The following TMEM88 variants were observed in gnomAD, a reference collection of about 807,000 sequenced individuals.
The protein encoded by TMEM88 is transmembrane protein 88.
Under a neutral mutation model 10.0 loss-of-function variants are expected in TMEM88, and 8 were observed. The observed-to-expected ratio is 0.80, with a 90% CI of 0.47 to 1.44. The LOEUF is 1.44. TMEM88 is among the 40% of genes most tolerant of loss of function. The pLI is 0.00. For synonymous variants in TMEM88, 139 were observed against 104.9 expected, an observed-to-expected ratio of 1.33 and a Z score of -1.99; for missense variants, 255 against 217.8, an observed-to-expected ratio of 1.17 and a Z score of -1.07.
chr17:7,856,004 G>T lies in TMEM88; in HGVS notation c.*290G>T. ...AATGGGACAACAATCTCGTGCCCTCGTTTTATGGTGCAGCTTCTCTAGTAT... is the reference window on the plus strand; with the variant it reads ...AATGGGACAACAATCTCGTGCCCTCTTTTTATGGTGCAGCTTCTCTAGTAT... On this transcript the variant is annotated 3_prime_UTR_variant, in exon 2 of 2. Transcript: ENST00000301599. 9 of 1,231,342 alleles carry T rather than the reference G, an allele frequency of 7.3e-6. No individual in the cohort carries two copies. Among genetic ancestry groups the T allele is most frequent in the Non-Finnish European group, 9.3e-6 (9 of 969,384 alleles). 76.3% of individuals were successfully genotyped at this position (1,231,342 alleles called of 1,614,324 possible). A position where few individuals can be genotyped will look rare whatever the true frequency, so the allele number is the denominator to read the frequency against.
At position 7,855,755 on chromosome 17, in the gene TMEM88, T is replaced by G; in HGVS notation, c.*41T>G. Reference sequence around the variant, plus strand: ...GAACAACCCTGACGGCTGCCCTCCCTCTTATTCGGCCCAAGGACTTGAAGC... The same window carrying G: ...GAACAACCCTGACGGCTGCCCTCCCGCTTATTCGGCCCAAGGACTTGAAGC... On this transcript the variant is annotated 3_prime_UTR_variant, in exon 2 of 2. Coordinates refer to ENST00000301599, the MANE Select transcript of TMEM88 (RefSeq NM_203411.2). 1 of 1,471,122 alleles carries G rather than the reference T, an allele frequency of 6.8e-7. No individual in the cohort carries two copies. Among genetic ancestry groups the G allele is most frequent in the Middle Eastern group, 1.8e-4 (1 of 5,588 alleles). 91.1% of individuals were successfully genotyped at this position (1,471,122 alleles called of 1,614,324 possible).
In TMEM88 at chr17:7,855,464, C is replaced by T. The variant is rs2078795428; in HGVS notation, c.230C>T (p.Pro77Leu). The change falls in exon 2 of 2, where the codon CCC becomes CTC. Residue 77 changes from proline to leucine, a missense_variant. By Grantham distance (98) the Pro-to-Leu change is moderately conservative. Transcript: ENST00000301599. ...CHSQFLRSQAPPCTAHLRDPG... is the reference protein window; with the variant it reads ...CHSQFLRSQALPCTAHLRDPG... ...CCACAGTTCCTGCGCTCCCAGGCAC[C>T]CCCTTGCACCGCGCACCTGCGGGAC... 1.2e-6 allele frequency: 2 copies of T among 1,605,496 alleles called. No individual in the cohort carries two copies. Among genetic ancestry groups the T allele is most frequent in the African/African-American group, 1.3e-5 (1 of 74,912 alleles).
At position 7,855,544 on chromosome 17, in the gene TMEM88, G is replaced by A. The variant is rs1360509684; in HGVS notation, c.310G>A (p.Val104Met). Residue 104 changes from valine to methionine, a missense_variant, in exon 2 of 2, where the codon GTG (valine) becomes ATG (methionine). Val to Met is a conservative substitution (Grantham distance 21). Coordinates refer to ENST00000301599, the MANE Select transcript of TMEM88 (RefSeq NM_203411.2). ...TGFLLLVPLL[V>M]LALASYRRLC... is the part of the protein sequence containing the mutation. The stretch of plus-strand genomic sequence containing the variant: ...ATTCCTGCTCCTCGTGCCGCTGCTC[G>A]TGCTTGCTCTGGCCAGCTACCGCCG... 5.6e-6 allele frequency: 9 copies of A among 1,608,570 alleles called. No individual in the cohort carries two copies. Among genetic ancestry groups the A allele is most frequent in the Non-Finnish European group, 6.8e-6 (8 of 1,179,894 alleles).
rs947707303 is a variant in TMEM88, at chr17:7,855,197, C to T, written c.123C>T (p.Phe41=). The change falls in exon 1 of 2, where the codon TTC becomes TTT. Residue 41 remains phenylalanine, a synonymous_variant. Coordinates refer to ENST00000301599, the MANE Select transcript of TMEM88 (RefSeq NM_203411.2). ...VTAQNLLVAA[F]NLLLLVLVLG... Reference sequence around the variant, plus strand: ...CCCAGAATCTGCTGGTGGCTGCCTTCAATCTTCTCCTGCTGGTGCTGGTGC... The same window carrying T: ...CCCAGAATCTGCTGGTGGCTGCCTTTAATCTTCTCCTGCTGGTGCTGGTGC... The T allele has an allele frequency of 6.2e-7, 1 of 1,610,086 alleles. No homozygotes were observed. The highest frequency in any genetic ancestry group is 1.7e-4 in the Middle Eastern group (1 of 6,050).
rs993351988 is a variant in TMEM88, at chr17:7,855,826, G to C, written c.*112G>C. The C allele has an allele frequency of 9.1e-6, 13 of 1,428,816 alleles. No homozygotes were observed. The African/African-American group carries it at 1.2e-4, about 13-fold the overall frequency. 88.5% of individuals were successfully genotyped at this position (1,428,816 alleles called of 1,614,324 possible). On this transcript the variant is annotated 3_prime_UTR_variant, in exon 2 of 2. Transcript: ENST00000301599. Reference sequence around the variant, plus strand: ...CTGCCCCCACCCCTGCCTGAGCGGAGTCCTAGCATCCCCTTGGGAGCAGCA... The same window carrying C: ...CTGCCCCCACCCCTGCCTGAGCGGACTCCTAGCATCCCCTTGGGAGCAGCA...
In TMEM88 at chr17:7,855,092, G is replaced by A. The variant is rs757251579; in HGVS notation, c.18G>A (p.Gly6=). Residue 6 remains glycine (G), a synonymous_variant, in exon 1 of 2, where the codon GGG becomes GGA. Coordinates refer to ENST00000301599, the MANE Select transcript of TMEM88 (RefSeq NM_203411.2). ...GGCGGGCCATGGCGGATGTCCCCGG[G>A]GCACAGCGAGCGGTTCCTGGTGACG... The part of the protein sequence containing the change: MADVP[G]AQRAVPGDGP... 1.2e-6 allele frequency: 2 copies of A among 1,603,620 alleles called. No homozygotes were observed. Among genetic ancestry groups the A allele is most frequent in the South Asian group, 1.1e-5 (1 of 90,806 alleles).
chr17:7,855,067 G>T lies in TMEM88; in HGVS notation c.-8G>T. On this transcript the variant is annotated 5_prime_UTR_variant, in exon 1 of 2. It adds an upstream start codon to the 5' untranslated region. Coordinates refer to ENST00000301599, the MANE Select transcript of TMEM88 (RefSeq NM_203411.2). ...CAGCGGCCCAGGCGGGCGGGATCCAGGCGGGCCATGGCGGATGTCCCCGGG... is the reference window on the plus strand; with the variant it reads ...CAGCGGCCCAGGCGGGCGGGATCCATGCGGGCCATGGCGGATGTCCCCGGG... 1.3e-6 allele frequency: 2 copies of T among 1,597,224 alleles called. No homozygotes were observed. The highest frequency in any genetic ancestry group is 2.7e-5 in the African/African-American group (2 of 74,916).
At position 7,855,969 on chromosome 17, in the gene TMEM88, C is replaced by G. The variant is rs1402471257; in HGVS notation, c.*255C>G. Reference sequence around the variant, plus strand: ...TGGAACCTGCACACCTCCCCCTCAGCTCCGTCGTGAATGGGACAACAATCT... The same window carrying G: ...TGGAACCTGCACACCTCCCCCTCAGGTCCGTCGTGAATGGGACAACAATCT... On this transcript the variant is annotated 3_prime_UTR_variant, in exon 2 of 2. Transcript: ENST00000301599. The G allele has an allele frequency of 1.5e-6, 2 of 1,298,096 alleles. No homozygotes were observed. Among genetic ancestry groups the G allele is most frequent in the South Asian group, 5.0e-5 (2 of 40,142 alleles). The allele number at this position is 1,298,096 out of a possible 1,614,324, so 80.4% of individuals were successfully genotyped here. A position where few individuals can be genotyped will look rare whatever the true frequency, so the allele number is the denominator to read the frequency against.
chr17:7,855,759 A>C lies in TMEM88; in HGVS notation c.*45A>C. On this transcript the variant is annotated 3_prime_UTR_variant, in exon 2 of 2. Transcript: ENST00000301599. ...AACCCTGACGGCTGCCCTCCCTCTT[A>C]TTCGGCCCAAGGACTTGAAGCCCGG... 6.8e-7 allele frequency: 1 copy of C among 1,466,940 alleles called. No individual in the cohort carries two copies. Among genetic ancestry groups the C allele is most frequent in the Non-Finnish European group, 9.0e-7 (1 of 1,107,902 alleles). 90.9% of individuals were successfully genotyped at this position (1,466,940 alleles called of 1,614,324 possible).
At position 7,855,830 on chromosome 17, in the gene TMEM88, T is replaced by TA; in HGVS notation, c.*117dup. The TA allele has an allele frequency of 7.0e-7, 1 of 1,427,876 alleles. No individual in the cohort carries two copies. Among genetic ancestry groups the TA allele is most frequent in the African/African-American group, 1.4e-5 (1 of 69,556 alleles). The allele number at this position is 1,427,876 out of a possible 1,614,324, so 88.5% of individuals were successfully genotyped here. ...CCCCACCCCTGCCTGAGCGGAGTCC[T>TA]AGCATCCCCTTGGGAGCAGCAGCGT... On this transcript the variant is annotated 3_prime_UTR_variant, in exon 2 of 2. Coordinates refer to ENST00000301599, the MANE Select transcript of TMEM88 (RefSeq NM_203411.2).
rs1352123640 is a variant in TMEM88, at chr17:7,855,913, C to A, written c.*199C>A. 7.2e-6 allele frequency: 10 copies of A among 1,387,690 alleles called. No individual in the cohort carries two copies. The highest frequency in any genetic ancestry group is 9.3e-6 in the Non-Finnish European group (10 of 1,074,286). The allele number at this position is 1,387,690 out of a possible 1,614,324, so 86.0% of individuals were successfully genotyped here. On this transcript the variant is annotated 3_prime_UTR_variant, in exon 2 of 2. Transcript: ENST00000301599. ...TCCCGGAAAACCCACTTTCCTTTCA[C>A]GACCCACATCTCAATCCTGAACATC... is the stretch of plus-strand genomic sequence containing the variant.
At position 7,856,063 on chromosome 17, in the gene TMEM88, G is replaced by A. The variant is rs1044604637; in HGVS notation, c.*349G>A. The A allele has an allele frequency of 9.2e-6, 9 of 974,224 alleles. No individual in the cohort carries two copies. In the African/African-American group the frequency reaches 1.5e-4, roughly 17 times the overall value. 60.3% of individuals were successfully genotyped at this position (974,224 alleles called of 1,614,324 possible). A position where few individuals can be genotyped will look rare whatever the true frequency, so the allele number is the denominator to read the frequency against. On this transcript the variant is annotated 3_prime_UTR_variant, in exon 2 of 2. Transcript: ENST00000301599. ...CTGGGGGGCGGGGCTGGAGGGGAAG[G>A]AGTGTCCACGCATCAATAAAGATTT...
Position 7,855,879 on chromosome 17 carries a change from G to A in TMEM88, c.*165G>A. The A allele has an allele frequency of 7.2e-7, 1 of 1,393,928 alleles. No homozygotes were observed. The highest frequency in any genetic ancestry group is 9.3e-7 in the Non-Finnish European group (1 of 1,077,250). The allele number at this position is 1,393,928 out of a possible 1,614,324, so 86.3% of individuals were successfully genotyped here. The stretch of plus-strand genomic sequence containing the variant: ...GTCAGTGGACCCAGTGCTGAGAAAA[G>A]CCCCCACATCCCGGAAAACCCACTT... On this transcript the variant is annotated 3_prime_UTR_variant, in exon 2 of 2. Coordinates refer to ENST00000301599, the MANE Select transcript of TMEM88 (RefSeq NM_203411.2).
chr17:7,855,743 GGCT>G lies in TMEM88; in HGVS notation c.*32_*34del. On this transcript the variant is annotated 3_prime_UTR_variant, in exon 2 of 2. Transcript: ENST00000301599. The stretch of plus-strand genomic sequence containing the variant: ...CCCTCGAGTCAAGAACAACCCTGAC[GGCT>G]GCCCTCCCTCTTATTCGGCCCAAGG... 6.7e-7 allele frequency: 1 copy of G among 1,491,588 alleles called. No homozygotes were observed. Among genetic ancestry groups the G allele is most frequent in the Non-Finnish European group, 8.9e-7 (1 of 1,118,182 alleles). The allele number at this position is 1,491,588 out of a possible 1,614,324, so 92.4% of individuals were successfully genotyped here. A position where few individuals can be genotyped will look rare whatever the true frequency, so the allele number is the denominator to read the frequency against.
Position 7,855,591 on chromosome 17 carries a change from A to G in TMEM88, c.357A>G (p.Leu119=), listed in dbSNP as rs1337436776. 6.2e-6 allele frequency: 10 copies of G among 1,608,296 alleles called. No homozygotes were observed. The highest frequency in any genetic ancestry group is 2.7e-5 in the African/African-American group (2 of 74,900). ...SYRRLCLRLR[L]ADCLVPYSRA... Reference sequence around the variant, plus strand: ...GCCGCCTCTGCCTGCGCCTCCGCCTAGCCGATTGCCTCGTGCCCTACAGCC... The same window carrying G: ...GCCGCCTCTGCCTGCGCCTCCGCCTGGCCGATTGCCTCGTGCCCTACAGCC... Residue 119 remains leucine (L), a synonymous_variant, in exon 2 of 2, where the codon CTA becomes CTG. Transcript: ENST00000301599.
At position 7,855,785 on chromosome 17, in the gene TMEM88, C is replaced by T. The variant is rs2078801417; in HGVS notation, c.*71C>T. ...TTCGGCCCAAGGACTTGAAGCCCGG[C>T]ATCTTCCGACCTGCCCTGCCCCCAC... On this transcript the variant is annotated 3_prime_UTR_variant, in exon 2 of 2. Transcript: ENST00000301599. 2.1e-6 allele frequency: 3 copies of T among 1,445,054 alleles called. No individual in the cohort carries two copies. Among genetic ancestry groups the T allele is most frequent in the African/African-American group, 1.4e-5 (1 of 70,276 alleles). 89.5% of individuals were successfully genotyped at this position (1,445,054 alleles called of 1,614,324 possible). A position where few individuals can be genotyped will look rare whatever the true frequency, so the allele number is the denominator to read the frequency against.
Position 7,855,239 on chromosome 17 carries a change from AC to A in TMEM88, c.168del (p.Ala57LeufsTer63). 1 of 1,604,930 alleles carries A rather than the reference AC, an allele frequency of 6.2e-7. No homozygotes were observed. Among genetic ancestry groups the A allele is most frequent in the African/African-American group, 1.3e-5 (1 of 74,840 alleles). On this transcript the variant is annotated frameshift_variant, in exon 1 of 2. Transcript: ENST00000301599. LOFTEE classifies it high-confidence loss of function. ...LVLVLGTILL[P>X]AVTMLGFGFL... ...TGCTGGTGCTAGGGACCATCTTGCT[AC>A]CCGCTGTCACCATGCTGGGCTTCGG...
At chr17:7,855,379 G>A in intron 1 of TMEM88, 66 bp from the exon 2 acceptor site, 1 of 1,592,022 alleles carries the variant, frequency 6.3e-7, no homozygotes, top group Non-Finnish European at 8.5e-7. Context: ...CAACCCGCCT[G>A]GGCTGTTTCC....
In TMEM88 at chr17:7,855,205, T is replaced by C. The variant is rs1226288683; in HGVS notation, c.131T>C (p.Leu44Pro). ...CTGCTGGTGGCTGCCTTCAATCTTC[T>C]CCTGCTGGTGCTGGTGCTAGGGACC... ...QNLLVAAFNL[L>P]LLVLVLGTIL... Residue 44 changes from leucine to proline, a missense_variant, in exon 1 of 2, where the codon CTC (leucine) becomes CCC (proline). Transcript: ENST00000301599. The C allele has an allele frequency of 4.3e-6, 7 of 1,609,456 alleles. No homozygotes were observed. In the East Asian group the frequency reaches 1.6e-4, roughly 36 times the overall value.
Sources: gnomAD v4.1 joint callset for allele counts on GRCh38, gnomAD v4.1.1 for gene constraint, MANE v1.5 for transcripts, NCBI Gene and HGNC (gene_info 2026-07-23, HGNC 2026-07-21) for gene names.